Variants in NKAIN3 observed in about 807,000 individuals in gnomAD.
NKAIN3 encodes sodium/potassium transporting ATPase interacting 3, also known as sodium/potassium-transporting ATPase subunit beta-1-interacting protein 3.
NKAIN3 carries 25 observed loss-of-function variants against 30.2 expected under a neutral mutation model. That is an observed-to-expected ratio of 0.83 (90% CI 0.60 to 1.16). The LOEUF (loss-of-function observed/expected upper bound fraction) is 1.16, where lower values mean the gene tolerates loss of function less well. Ranked by LOEUF, NKAIN3 falls within the 50% of genes most tolerant of loss-of-function variation. The pLI is 0.00. For synonymous variants in NKAIN3, 91 were observed against 89.6 expected (o/e 1.02, Z -0.09); for missense variants, 225 against 254.1 (o/e 0.89, Z 0.78).
At chr8:62,752,433 T>C (rs1400624949) in intron 4 of NKAIN3, among the ~76,000 whole-genome samples, 1 of 152,212 alleles carries the variant, frequency 6.6e-6, no homozygotes, top group Non-Finnish European at 1.5e-5. Context: ...GAGAACATAA[T>C]TCCTGTGATC....
intron 3 of NKAIN3, among the ~76,000 whole-genome samples, chr8:62,624,715 C>A (rs1811740048): frequency 6.6e-6 from 1 of 151,106 alleles, no homozygotes; most frequent in South Asian, 2.1e-4. Context: ...TCTTTTTCTG[C>A]TCCTCTGGTG....
chr8:62,859,605 CGT>C (rs766002250), intron 4 of NKAIN3, among the ~76,000 whole-genome samples: 5 of 145,116 alleles, frequency 3.4e-5, no homozygotes, highest in Non-Finnish European at 4.5e-5. Flanking sequence ...TACATATATG[CGT>C]GTGTGTGTGT....
chr8:62,963,142 C>A (rs776434406), intron 6 of NKAIN3, among the ~76,000 whole-genome samples: 11 of 152,208 alleles, frequency 7.2e-5, no homozygotes, highest in Non-Finnish European at 1.3e-4. Context: ...ATCCACCAGA[C>A]TCAGCCTCCC....
intron 4 of NKAIN3, among the ~76,000 whole-genome samples, chr8:62,791,582 C>T (rs1408231633): frequency 6.6e-6 from 1 of 152,076 alleles, no homozygotes. Flanking sequence ...TAGACCAAGA[C>T]ATAAATTGCT....
intron 1 of NKAIN3, among the ~76,000 whole-genome samples, chr8:62,260,082 A>C (rs1812386153): frequency 6.6e-6 from 1 of 152,086 alleles, no homozygotes; most frequent in Admixed American, 6.6e-5. Context: ...TTGAAAGAGG[A>C]TTTTAGTGAT....
At position 62,725,144 on chromosome 8, in the gene NKAIN3, A is replaced by G. The variant is rs1330092959; in HGVS notation, c.274-21788A>G. On this transcript the variant is annotated intron_variant, in intron 3 of 6. Coordinates refer to ENST00000623646, the MANE Select transcript of NKAIN3 (RefSeq NM_001304533.3). ...TCTCTGATGATCAGTGATGTTGAGC[A>G]CCTCTTAATGTATCTGTTTCCTATT... 4.6e-5 allele frequency among the ~76,000 whole-genome samples: 7 copies of G among 152,176 alleles called. No individual in the cohort carries two copies. In the East Asian group the frequency reaches 1.4e-3, roughly 29 times the overall value.
downstream of NKAIN3, among the ~76,000 whole-genome samples, chr8:62,988,535 G>A (rs1563656494): frequency 6.6e-6 from 1 of 152,236 alleles, no homozygotes; most frequent in South Asian, 2.1e-4. Context: ...CCAAGGCTTG[G>A]GGCTTGCACC....
intron 1 of NKAIN3, among the ~76,000 whole-genome samples, chr8:62,392,720 G>T (rs986231565): frequency 2.6e-5 from 4 of 151,978 alleles, no homozygotes; most frequent in African/African-American, 9.7e-5. Flanking sequence ...TGTTTGTCAA[G>T]ATGAACAGAG....
intron 3 of NKAIN3, among the ~76,000 whole-genome samples, chr8:62,690,602 T>A (rs112706445): frequency 6.6e-6 from 1 of 152,138 alleles, no homozygotes; most frequent in African/African-American, 2.4e-5. Flanking sequence ...CTGGCAGCAC[T>A]GAAGAGTAGA....
At chr8:62,418,541 C>G (rs1482438116) in intron 1 of NKAIN3, among the ~76,000 whole-genome samples, 1 of 152,102 alleles carries the variant, frequency 6.6e-6, no homozygotes, top group Admixed American at 6.5e-5. Context: ...TTGCGATCTC[C>G]CCTTTCTACC....
intron 3 of NKAIN3, among the ~76,000 whole-genome samples, chr8:62,743,148 C>T (rs1462208357): frequency 6.6e-6 from 1 of 152,156 alleles, no homozygotes; most frequent in Non-Finnish European, 1.5e-5. Flanking sequence ...CCATGTATTT[C>T]AAAACTACAC....
Position 62,579,642 on chromosome 8 carries a change from G to T in NKAIN3, c.158G>T (p.Gly53Val), listed in dbSNP as rs1430649740. The stretch of plus-strand genomic sequence containing the variant: ...ATAGTTGTCATATTGGGTTTGTTTG[G>T]GACCATTCAGTACAGACCTCGATAC... ...HIIVVILGLF[G>V]TIQYRPRYIM... Residue 53 changes from glycine (G) to valine (V), a missense_variant, in exon 2 of 7, where the codon GGG (glycine) becomes GTG (valine). Physicochemically the swap from Gly to Val is moderately radical, Grantham distance 109. Coordinates refer to ENST00000623646, the MANE Select transcript of NKAIN3 (RefSeq NM_001304533.3). 2.5e-6 allele frequency: 4 copies of T among 1,607,610 alleles called. No individual in the cohort carries two copies. The African/African-American group carries it at 5.4e-5, about 22-fold the overall frequency.
chr8:62,410,685 A>C (rs183052491), intron 1 of NKAIN3, among the ~76,000 whole-genome samples: 1 of 152,338 alleles, frequency 6.6e-6, no homozygotes, highest in East Asian at 1.9e-4. Context: ...ATGACATTAT[A>C]ATTGATCCCC....
intron 3 of NKAIN3, among the ~76,000 whole-genome samples, chr8:62,618,241 CT>C (rs1811520437): frequency 6.6e-6 from 1 of 152,128 alleles, no homozygotes; most frequent in South Asian, 2.1e-4. Context: ...ATTAAAATCT[CT>C]AGTGAAGACA....
chr8:62,530,281 T>G (rs1808447801), intron 1 of NKAIN3, among the ~76,000 whole-genome samples: 1 of 152,108 alleles, frequency 6.6e-6, no homozygotes, highest in Non-Finnish European at 1.5e-5. Context: ...ATAAATATAT[T>G]TCCTACACGA....
chr8:62,806,180 A>C (rs1311760180), intron 4 of NKAIN3, among the ~76,000 whole-genome samples: 3 of 152,224 alleles, frequency 2.0e-5, no homozygotes, highest in African/African-American at 7.2e-5. Flanking sequence ...ATGTGGAGAA[A>C]TAGGAACACT....
chr8:62,330,984 T>TTCTCTCTCTCTCTCTTTCTC (rs1815326398), intron 1 of NKAIN3, among the ~76,000 whole-genome samples: 1 of 149,970 alleles, frequency 6.7e-6, no homozygotes, highest in Admixed American at 6.6e-5. Flanking sequence ...ATCTCTAGAC[T>TTCTCTCTCTCTCTCTTTCTC]TCTCTCTCTC....
At chr8:62,302,826 G>C (rs756159320) in intron 1 of NKAIN3, among the ~76,000 whole-genome samples, 4 of 141,988 alleles carry the variant, frequency 2.8e-5, no homozygotes, top group African/African-American at 6.3e-5. Flanking sequence ...GTATTATTTA[G>C]GGCATCTTTG....
At chr8:62,702,979 C>G (rs1042142171) in intron 3 of NKAIN3, among the ~76,000 whole-genome samples, 19 of 152,112 alleles carry the variant, frequency 1.2e-4, no homozygotes, top group Non-Finnish European at 2.5e-4. Flanking sequence ...TGCACTGAAT[C>G]AAATTGTCAG....
Sources: allele counts gnomAD v4.1 joint callset (sites outside exome capture counted in the v4.1 genomes callset), GRCh38; gene constraint gnomAD v4.1.1; transcripts MANE v1.5; gene names NCBI Gene and HGNC (gene_info 2026-07-23, HGNC 2026-07-21).